The following RIMS2 variants were observed in gnomAD, a reference collection of about 807,000 sequenced individuals.
RIMS2 encodes the protein regulating synaptic membrane exocytosis 2.
In RIMS2, 59 loss-of-function variants were observed where a neutral mutation model predicts 174.4. The ratio of observed to expected loss-of-function variants is 0.34; its 90% CI spans 0.27 to 0.42. The LOEUF is 0.42. Ranked by LOEUF, RIMS2 falls within the 10% of genes least tolerant of loss-of-function variation. RIMS2 has a pLI of 1.00. For missense variants in RIMS2, 1,620 were observed against 1,666.3 expected, an observed-to-expected ratio of 0.97 and a Z score of 0.48; for synonymous variants, 606 against 572.5, an observed-to-expected ratio of 1.06 and a Z score of -0.84.
chr8:103,941,259 A>T lies in RIMS2; in HGVS notation c.2548-1514A>T, dbSNP rs145908027. Among the ~76,000 whole-genome samples the T allele has an allele frequency of 4.4e-3, 666 of 152,100 alleles. 10 individuals are homozygous for T. Among genetic ancestry groups the T allele is most frequent in the African/African-American group, 0.014 (572 of 41,452 alleles). On this transcript the variant is annotated intron_variant, in intron 13 of 23. Transcript: ENST00000504942. ...TCCTTTGGGAAGCGGAGACAGGGGG[A>T]TAGCTTGAGACCAGGAGTCCAAGAC...
At chr8:103,960,297 T>C (rs1330636841) in intron 14 of RIMS2, among the ~76,000 whole-genome samples, 1 of 152,218 alleles carries the variant, frequency 6.6e-6, no homozygotes, top group African/African-American at 2.4e-5. Context: ...TTTGCCACAG[T>C]AAGATTCACA....
rs751555766 is a variant in RIMS2, at chr8:103,886,113, G to A, written c.1514G>A (p.Gly505Asp). ...AAGCCTCATAAATCAAAGAAAGGCG[G>A]TAAAATGCGCCAGATTTCGTTGAGC... is the stretch of plus-strand genomic sequence containing the variant. The change falls in exon 4 of 24, where the codon GGT becomes GAT. Residue 505 changes from glycine to aspartate, a missense_variant. Physicochemically the swap from Gly to Asp is moderately conservative, Grantham distance 94. This residue lies in a region of RIMS2 where 1,395 missense variants were observed against 1,360.1 expected (regional missense o/e 1.03). Transcript: ENST00000504942. 43 of 1,612,926 alleles carry A rather than the reference G, an allele frequency of 2.7e-5. No individual in the cohort carries two copies. The South Asian group carries it at 4.7e-4, about 18-fold the overall frequency.
At chr8:103,515,744 C>T (rs994649200) in intron 1 of RIMS2, among the ~76,000 whole-genome samples, 16 of 151,978 alleles carry the variant, frequency 1.1e-4, no homozygotes, top group African/African-American at 2.9e-4. Context: ...TACTTGTCAT[C>T]GCAAATTTAT....
At chr8:103,636,742 G>T (rs1422385298) in intron 1 of RIMS2, among the ~76,000 whole-genome samples, 6 of 149,978 alleles carry the variant, frequency 4.0e-5, no homozygotes, top group Non-Finnish European at 8.8e-5. Flanking sequence ...CTTCTAGTTG[G>T]CAATCTTGGC....
At chr8:104,104,670 C>T (rs988044066) in intron 19 of RIMS2, among the ~76,000 whole-genome samples, 1 of 152,038 alleles carries the variant, frequency 6.6e-6, no homozygotes, top group South Asian at 2.1e-4. Context: ...CTTTGGAAGG[C>T]CAAGGCAGTT....
intron 17 of RIMS2, among the ~76,000 whole-genome samples, chr8:104,004,956 C>T (rs139356250): frequency 7.9e-5 from 12 of 152,184 alleles, no homozygotes; most frequent in Admixed American, 3.9e-4. Flanking sequence ...GGAATCTGAG[C>T]GCTGTATGGG....
chr8:103,795,056 A>G (rs911191369), intron 3 of RIMS2, among the ~76,000 whole-genome samples: 8 of 152,288 alleles, frequency 5.3e-5, no homozygotes, highest in Admixed American at 2.6e-4. Context: ...AACTAGAAAT[A>G]CCATTTGACC....
At chr8:103,928,579 T>G (rs915565712) in intron 11 of RIMS2, among the ~76,000 whole-genome samples, 3 of 151,320 alleles carry the variant, frequency 2.0e-5, no homozygotes, top group African/African-American at 4.8e-5. Context: ...TTAAGTAGTA[T>G]TATGCTCTCC....
At chr8:104,025,216 G>A (rs2096223645) in intron 19 of RIMS2, among the ~76,000 whole-genome samples, 1 of 152,144 alleles carries the variant, frequency 6.6e-6, no homozygotes, top group African/African-American at 2.4e-5. Context: ...TAATAGGCCA[G>A]GTGCAGTGGC....
chr8:103,537,141 T>C (rs1840194532), intron 1 of RIMS2, among the ~76,000 whole-genome samples: 1 of 152,216 alleles, frequency 6.6e-6, no homozygotes, highest in Non-Finnish European at 1.5e-5. Context: ...CAACTTATTT[T>C]GCGTGTGTGT....
intron 4 of RIMS2, among the ~76,000 whole-genome samples, chr8:103,891,639 T>C (rs2099246313): frequency 2.0e-5 from 3 of 152,094 alleles, no homozygotes; most frequent in Admixed American, 2.0e-4. Flanking sequence ...TGCAGGCCTT[T>C]TTTTGTTTCT....
chr8:103,757,010 T>TGTGTGAGA lies in RIMS2; in HGVS notation c.388-9216_388-9215insTGTGAGAG, dbSNP rs1458679084. 1.4e-3 allele frequency among the ~76,000 whole-genome samples: 158 copies of TGTGTGAGA among 114,342 alleles called. 1 individual carries two copies. The highest frequency in any genetic ancestry group is 5.4e-3 in the African/African-American group (146 of 26,938). 75.0% of individuals were successfully genotyped at this position (114,342 alleles called of 152,430 possible). A position where few individuals can be genotyped will look rare whatever the true frequency, so the allele number is the denominator to read the frequency against. The stretch of plus-strand genomic sequence containing the variant: ...GTGTGTGTGTGTGTGTGTGTGTGTG[T>TGTGTGAGA]GAGAGAGAGAGAGAGAGAGAGAGAG... On this transcript the variant is annotated intron_variant, in intron 2 of 23. Coordinates refer to ENST00000504942, the Ensembl canonical transcript of RIMS2.
chr8:103,972,221 C>CTT (rs2092960751), intron 15 of RIMS2, among the ~76,000 whole-genome samples: 1 of 152,136 alleles, frequency 6.6e-6, no homozygotes, highest in Non-Finnish European at 1.5e-5. Flanking sequence ...CAAAACTAAA[C>CTT]TTTTGATCTT....
intron 19 of RIMS2, among the ~76,000 whole-genome samples, chr8:104,022,197 C>T (rs571878043): frequency 4.1e-4 from 63 of 152,204 alleles, no homozygotes; most frequent in African/African-American, 1.4e-3. Flanking sequence ...AAGTCAGGCC[C>T]GTCTCATAAT....
chr8:103,993,266 A>T (rs2094846694), intron 17 of RIMS2, among the ~76,000 whole-genome samples: 1 of 152,210 alleles, frequency 6.6e-6, no homozygotes, highest in South Asian at 2.1e-4. Flanking sequence ...AATACATTAG[A>T]TGCATTTATT....
intron 1 of RIMS2, among the ~76,000 whole-genome samples, chr8:103,651,518 T>G (rs1216618259): frequency 6.6e-6 from 1 of 152,224 alleles, no homozygotes; most frequent in African/African-American, 2.4e-5. Context: ...ATATGCTATT[T>G]TAGATAAGAC....
At chr8:104,021,696 A>G (rs1350809628) in intron 19 of RIMS2, among the ~76,000 whole-genome samples, 2 of 152,234 alleles carry the variant, frequency 1.3e-5, no homozygotes, top group Non-Finnish European at 2.9e-5. Flanking sequence ...TTACCTTCAG[A>G]CTGTTATGCT....
chr8:103,948,182 T>A (rs1469468048), intron 14 of RIMS2, among the ~76,000 whole-genome samples: 2 of 152,162 alleles, frequency 1.3e-5, no homozygotes, highest in South Asian at 2.1e-4. Flanking sequence ...AAAAGAAAGA[T>A]GATAACAAAT....
At chr8:104,093,507 A>G in intron 19 of RIMS2, 1 of 1,597,284 alleles carries the variant, frequency 6.3e-7, no homozygotes, top group East Asian at 2.2e-5. Context: ...AGGGGCAGAT[A>G]ATGTTTCTAC....
Sources: gnomAD v4.1 joint callset for allele counts (sites outside exome capture counted in the v4.1 genomes callset) on GRCh38, gnomAD v4.1.1 for gene constraint, gnomAD v4.1.1 regional missense constraint, MANE v1.5 for transcripts, NCBI Gene and HGNC (gene_info 2026-07-23, HGNC 2026-07-21) for gene names.